KCNQ5: variants seen among roughly 807,000 people sequenced by gnomAD.
KCNQ5 encodes the protein potassium voltage-gated channel subfamily KQT member 5.
A neutral mutation model predicts 98.2 loss-of-function variants in KCNQ5; 30 were observed. The observed-to-expected ratio is 0.31, with a 90% CI of 0.23 to 0.41. The LOEUF is 0.41. Among genes scored for constraint, KCNQ5 ranks in the 10% least tolerant of loss-of-function variants. KCNQ5 has a pLI of 1.00. For synonymous variants in KCNQ5, 458 were observed against 449.4 expected (o/e 1.02, Z -0.24); for missense variants, 835 against 1,182.5 (o/e 0.71, Z 4.31).
intron 1 of KCNQ5, among the ~76,000 whole-genome samples, chr6:72,835,169 T>C (rs1582383082): frequency 6.6e-6 from 1 of 152,024 alleles, no homozygotes; most frequent in Non-Finnish European, 1.5e-5. Context: ...GTTTCTTTCC[T>C]CCCCATCACT....
chr6:72,726,940 C>G (rs1038452297), intron 1 of KCNQ5, among the ~76,000 whole-genome samples: 1 of 152,180 alleles, frequency 6.6e-6, no homozygotes, highest in African/African-American at 2.4e-5. Context: ...CTCCTAGGCT[C>G]AAGCAATCTT....
chr6:72,817,752 G>C lies in KCNQ5; in HGVS notation c.399-186156G>C, dbSNP rs576314446. ...TTACTAAAAGTACCAAAATTAGGTG[G>C]GCGTGGTGGCGCGTGCCTGTAATCC... On this transcript the variant is annotated intron_variant, in intron 1 of 13. Coordinates refer to ENST00000370398, the MANE Select transcript of KCNQ5 (RefSeq NM_019842.4). Among the ~76,000 whole-genome samples the C allele has an allele frequency of 7.2e-5, 11 of 152,154 alleles. No homozygotes were observed. The South Asian group carries it at 2.3e-3, about 32-fold the overall frequency.
intron 1 of KCNQ5, among the ~76,000 whole-genome samples, chr6:72,839,211 T>C (rs1776675609): frequency 6.6e-6 from 1 of 152,210 alleles, no homozygotes; most frequent in Admixed American, 6.5e-5. Flanking sequence ...AAATACACTT[T>C]CTTGCAGATA....
At chr6:72,732,755 T>G (rs529473553) in intron 1 of KCNQ5, among the ~76,000 whole-genome samples, 26 of 152,222 alleles carry the variant, frequency 1.7e-4, no homozygotes, top group Non-Finnish European at 3.2e-4. Flanking sequence ...GTCAGCAAGA[T>G]TCAAAGAAAA....
intron 3 of KCNQ5, among the ~76,000 whole-genome samples, chr6:73,076,100 AC>A (rs1004985607): frequency 1.3e-5 from 2 of 151,054 alleles, no homozygotes; most frequent in African/African-American, 4.9e-5. Flanking sequence ...CCAACAACTG[AC>A]CCCCCCTCTC....
At chr6:72,946,396 A>G (rs971464216) in intron 1 of KCNQ5, among the ~76,000 whole-genome samples, 2 of 152,336 alleles carry the variant, frequency 1.3e-5, no homozygotes, top group African/African-American at 4.8e-5. Flanking sequence ...TAAAGACATC[A>G]TCATCATCAA....
chr6:72,675,731 G>A (rs1442829547), intron 1 of KCNQ5, among the ~76,000 whole-genome samples: 1 of 152,122 alleles, frequency 6.6e-6, no homozygotes, highest in African/African-American at 2.4e-5. Flanking sequence ...GGAATTCATG[G>A]CCCTTATTTC....
chr6:72,715,247 T>C (rs920245356), intron 1 of KCNQ5, among the ~76,000 whole-genome samples: 3 of 152,190 alleles, frequency 2.0e-5, no homozygotes, highest in Non-Finnish European at 4.4e-5. Context: ...TTCCAGTCCC[T>C]GTACCTGCTG....
At chr6:72,970,498 G>A (rs1005122421) in intron 1 of KCNQ5, among the ~76,000 whole-genome samples, 2 of 152,158 alleles carry the variant, frequency 1.3e-5, no homozygotes, top group African/African-American at 4.8e-5. Flanking sequence ...TGCAGTTTCA[G>A]TAGTACCAAA....
At chr6:72,751,100 A>G (rs990045514) in intron 1 of KCNQ5, among the ~76,000 whole-genome samples, 1 of 152,086 alleles carries the variant, frequency 6.6e-6, no homozygotes, top group Non-Finnish European at 1.5e-5. Context: ...TAGGTTTAAT[A>G]CAAGAAGGGT....
chr6:72,700,173 G>T (rs1582135487), intron 1 of KCNQ5, among the ~76,000 whole-genome samples: 2 of 152,208 alleles, frequency 1.3e-5, no homozygotes. Context: ...TCTTAAATGG[G>T]CAGGAAGCTC....
At chr6:72,632,530 G>C (rs562877718) in intron 1 of KCNQ5, among the ~76,000 whole-genome samples, 1 of 152,208 alleles carries the variant, frequency 6.6e-6, no homozygotes, top group Non-Finnish European at 1.5e-5. Context: ...TTGCATCCAG[G>C]TAGTGAGCAT....
chr6:73,153,329 T>C (rs532856409), intron 10 of KCNQ5, among the ~76,000 whole-genome samples: 31 of 152,218 alleles, frequency 2.0e-4, no homozygotes, highest in Non-Finnish European at 2.6e-4. Flanking sequence ...TTTATGTCTT[T>C]TTTTAAAGTA....
chr6:72,623,391 A>AGTGTGTGTGTGTGTGTGTGTGT (rs1214797915), intron 1 of KCNQ5, among the ~76,000 whole-genome samples: 179 of 143,132 alleles, frequency 1.3e-3, no homozygotes, highest in Middle Eastern at 3.5e-3. Context: ...GGAGTCAAAG[A>AGTGTGTGTGTGTGTGTGTGTGT]GTGTGTGTGT....
At chr6:73,047,976 T>G (rs1350667270) in intron 3 of KCNQ5, among the ~76,000 whole-genome samples, 1 of 152,174 alleles carries the variant, frequency 6.6e-6, no homozygotes, top group Non-Finnish European at 1.5e-5. Flanking sequence ...TATGTTTGAG[T>G]CATCCACTGA....
chr6:72,955,725 A>G (rs1027483799), intron 1 of KCNQ5, among the ~76,000 whole-genome samples: 3 of 152,172 alleles, frequency 2.0e-5, no homozygotes, highest in Admixed American at 2.0e-4. Context: ...TGATGCACCA[A>G]AGTAACATAA....
At chr6:72,626,395 A>C (rs2098917988) in intron 1 of KCNQ5, among the ~76,000 whole-genome samples, 1 of 152,244 alleles carries the variant, frequency 6.6e-6, no homozygotes, top group Non-Finnish European at 1.5e-5. Context: ...GAATCAGCAC[A>C]GTAATTCTAG....
chr6:72,760,911 T>C (rs1413675795), intron 1 of KCNQ5, among the ~76,000 whole-genome samples: 1 of 152,212 alleles, frequency 6.6e-6, no homozygotes, highest in Non-Finnish European at 1.5e-5. Context: ...TTATATGTTC[T>C]GTAGCTAGTT....
At chr6:73,019,429 C>T (rs1347277533) in intron 2 of KCNQ5, among the ~76,000 whole-genome samples, 1 of 152,084 alleles carries the variant, frequency 6.6e-6, no homozygotes, top group Non-Finnish European at 1.5e-5. Context: ...ACCCATTCTG[C>T]CTATTCAAAA....
Sources: allele counts gnomAD v4.1 joint callset (sites outside exome capture counted in the v4.1 genomes callset), GRCh38; gene constraint gnomAD v4.1.1; transcripts MANE v1.5; gene names NCBI Gene and HGNC (gene_info 2026-07-23, HGNC 2026-07-21).